Variants in LMBRD1 observed in about 807,000 individuals in gnomAD.
LMBRD1 encodes the protein LMBR1 domain containing 1, also known as lysosomal cobalamin transport escort protein LMBD1.
Under a neutral mutation model 74.8 loss-of-function variants are expected in LMBRD1, and 64 were observed. That is an observed-to-expected ratio of 0.86 (90% CI 0.70 to 1.05). The LOEUF (loss-of-function observed/expected upper bound fraction) is 1.05, where lower values mean the gene tolerates loss of function less well. Among genes scored for constraint, LMBRD1 ranks in the 50% least tolerant of loss-of-function variants. LMBRD1 has a pLI of 0.00. For synonymous variants in LMBRD1, 204 were observed against 216.3 expected (o/e 0.94, Z 0.50); for missense variants, 652 against 645.9 (o/e 1.01, Z -0.10).
chr6:69,676,648 T>A (rs935080804), intron 14 of LMBRD1, 107 bp from the exon 15 acceptor site: 5 of 886,576 alleles, frequency 5.6e-6, no homozygotes, highest in Non-Finnish European at 9.1e-6. Flanking sequence ...TAAGATCATA[T>A]GGCTAGTAAG....
Position 69,697,640 on chromosome 6 carries a change from G to A in LMBRD1, c.1340C>T (p.Thr447Ile), listed in dbSNP as rs760093109. Residue 447 changes from threonine (T) to isoleucine (I), a missense_variant and splice_region_variant, in exon 14 of 16, where the codon ACT (threonine) becomes ATT (isoleucine). Coordinates refer to ENST00000649934, the MANE Select transcript of LMBRD1 (RefSeq NM_018368.4). The part of the protein sequence containing the change: ...MYGSQNYLIE[T>I]NITSDNHKGN... ...TTTATGATTATCAGAAGTTATATTAGTCTGAAAGATAAAAATACAGTTAAA... is the reference window on the plus strand; with the variant it reads ...TTTATGATTATCAGAAGTTATATTAATCTGAAAGATAAAAATACAGTTAAA... The A allele has an allele frequency of 6.5e-7, 1 of 1,549,880 alleles. No individual in the cohort carries two copies. Among genetic ancestry groups the A allele is most frequent in the South Asian group, 1.1e-5 (1 of 89,434 alleles).
intron 1 of LMBRD1, among the ~76,000 whole-genome samples, chr6:69,794,839 A>G (rs1414001951): frequency 6.6e-6 from 1 of 152,224 alleles, no homozygotes; most frequent in Non-Finnish European, 1.5e-5. Context: ...CTAAGTGGCC[A>G]TGGCATCATG....
At chr6:69,744,728 T>C (rs1229001131) in intron 5 of LMBRD1, among the ~76,000 whole-genome samples, 1 of 152,214 alleles carries the variant, frequency 6.6e-6, no homozygotes, top group African/African-American at 2.4e-5. Flanking sequence ...GTAGTTCCAA[T>C]GCTCACCTGA....
chr6:69,701,309 A>G lies in LMBRD1; in HGVS notation c.1083+134T>C. On this transcript the variant is annotated intron_variant, in intron 11 of 15. Transcript: ENST00000649934. ...ATAAAAAGTAAAACTAGAAAATAAT[A>G]TAAGCATATGTCAAACTATTCATAG... 6.6e-6 allele frequency: 4 copies of G among 606,954 alleles called. 1 individual carries two copies. The East Asian group carries it at 1.1e-4, about 17-fold the overall frequency. The allele number at this position is 606,954 out of a possible 1,614,324, so 37.6% of individuals were successfully genotyped here. A position where few individuals can be genotyped will look rare whatever the true frequency, so the allele number is the denominator to read the frequency against.
At chr6:69,679,179 T>C (rs1765611346) in intron 14 of LMBRD1, among the ~76,000 whole-genome samples, 3 of 152,140 alleles carry the variant, frequency 2.0e-5, no homozygotes, top group Non-Finnish European at 4.4e-5. Flanking sequence ...TTCAGAGTCT[T>C]TCTTCTCTTT....
chr6:69,759,139 T>A (rs1189082019), intron 3 of LMBRD1, among the ~76,000 whole-genome samples: 1 of 152,136 alleles, frequency 6.6e-6, no homozygotes, highest in Non-Finnish European at 1.5e-5. Context: ...AACAAACCAC[T>A]CAAAATTACT....
In LMBRD1 at chr6:69,676,188, A is replaced by C; in HGVS notation, c.1593T>G (p.Ser531Arg). ...CAGAATAGACAGAGGGCTCATCATC[A>C]CTTATGTCTGAATCTTCATCTACTC... ...IEGVDEDSDISDDEPSVYSA is the reference protein window; with the variant it reads ...IEGVDEDSDIRDDEPSVYSA The change falls in exon 16 of 16, where the codon AGT (serine) becomes AGG (arginine). Residue 531 changes from serine (S) to arginine (R), a missense_variant. This residue lies in a region of LMBRD1 where 51 missense variants were observed against 46.9 expected (regional missense o/e 1.09). Coordinates refer to ENST00000649934, the MANE Select transcript of LMBRD1 (RefSeq NM_018368.4). 1 of 1,613,368 alleles carries C rather than the reference A, an allele frequency of 6.2e-7. No homozygotes were observed. Among genetic ancestry groups the C allele is most frequent in the Non-Finnish European group, 8.5e-7 (1 of 1,179,590 alleles).
Position 69,790,481 on chromosome 6 carries a change from G to A in LMBRD1, c.70-9C>T. The A allele has an allele frequency of 6.2e-7, 1 of 1,612,942 alleles. No homozygotes were observed. Among genetic ancestry groups the A allele is most frequent in the African/African-American group, 1.3e-5 (1 of 75,020 alleles). ...CAGAATGCCAAAATAGCCTGAAATA[G>A]AACAAAAAGAGATGTTTGTTACTAC... On this transcript the variant is annotated splice_polypyrimidine_tract_variant and intron_variant, in intron 1 of 15. Transcript: ENST00000649934.
chr6:69,700,304 T>C (rs183732394), intron 12 of LMBRD1, among the ~76,000 whole-genome samples: 37 of 151,996 alleles, frequency 2.4e-4, no homozygotes, highest in East Asian at 1.5e-3. Flanking sequence ...ACCAATGATA[T>C]GGTAATCTTT....
intron 9 of LMBRD1, among the ~76,000 whole-genome samples, chr6:69,703,470 A>T (rs1260171161): frequency 2.7e-5 from 4 of 149,864 alleles, no homozygotes; most frequent in Admixed American, 2.0e-4. Flanking sequence ...AAAAAAAAAA[A>T]TTTAAAATTA....
At chr6:69,739,542 C>G (rs1357245065) in intron 6 of LMBRD1, among the ~76,000 whole-genome samples, 1 of 150,054 alleles carries the variant, frequency 6.7e-6, no homozygotes, top group Non-Finnish European at 1.5e-5. Context: ...TGAAAGATGC[C>G]AGGTATACAC....
chr6:69,779,479 G>A (rs1236305261), intron 3 of LMBRD1, among the ~76,000 whole-genome samples: 1 of 152,238 alleles, frequency 6.6e-6, no homozygotes, highest in East Asian at 1.9e-4. Flanking sequence ...AGGAGGAGGA[G>A]CCAAGCAACC....
chr6:69,734,596 A>G (rs1766934696), intron 7 of LMBRD1, among the ~76,000 whole-genome samples: 1 of 152,078 alleles, frequency 6.6e-6, no homozygotes, highest in Non-Finnish European at 1.5e-5. Flanking sequence ...GGGTTTTACC[A>G]TGTTAGCCAG....
chr6:69,680,666 A>G (rs1302824655), intron 14 of LMBRD1, among the ~76,000 whole-genome samples: 1 of 152,132 alleles, frequency 6.6e-6, no homozygotes, highest in Non-Finnish European at 1.5e-5. Context: ...TGTTGTTGAA[A>G]AATGATAGAA....
At chr6:69,748,305 G>A (rs1029995588) in intron 5 of LMBRD1, among the ~76,000 whole-genome samples, 1 of 151,838 alleles carries the variant, frequency 6.6e-6, no homozygotes, top group African/African-American at 2.4e-5. Context: ...TGTTAACAAG[G>A]GAAATTAACA....
intron 3 of LMBRD1, among the ~76,000 whole-genome samples, chr6:69,771,232 C>T (rs1765569590): frequency 6.6e-6 from 1 of 152,226 alleles, no homozygotes; most frequent in South Asian, 2.1e-4. Flanking sequence ...TATCCCAAGG[C>T]TTGACTGGGG....
At chr6:69,696,049 G>A (rs1389058666) in intron 14 of LMBRD1, among the ~76,000 whole-genome samples, 1 of 152,082 alleles carries the variant, frequency 6.6e-6, no homozygotes, top group Non-Finnish European at 1.5e-5. Context: ...TCGCCATGTT[G>A]GCCAGGCTGG....
intron 7 of LMBRD1, among the ~76,000 whole-genome samples, chr6:69,727,765 A>G (rs1766766909): frequency 6.6e-6 from 1 of 151,544 alleles, no homozygotes; most frequent in Non-Finnish European, 1.5e-5. Flanking sequence ...TGAAAAATAC[A>G]AAGAATAAAG....
chr6:69,749,456 A>G (rs1473603882), intron 4 of LMBRD1, 48 bp from the exon 5 acceptor site: 3 of 1,416,080 alleles, frequency 2.1e-6, no homozygotes, highest in Admixed American at 1.7e-5. Flanking sequence ...GCCCTTTAAA[A>G]TATAAAATAT....
Sources: gnomAD v4.1 joint callset for allele counts (sites outside exome capture counted in the v4.1 genomes callset) on GRCh38, gnomAD v4.1.1 for gene constraint, gnomAD v4.1.1 regional missense constraint, MANE v1.5 for transcripts, NCBI Gene and HGNC (gene_info 2026-07-23, HGNC 2026-07-21) for gene names.